Variants in SPACA7 observed in about 807,000 individuals in gnomAD.
The protein encoded by SPACA7 is sperm acrosome-associated protein 7.
A neutral mutation model predicts 26.3 loss-of-function variants in SPACA7; 19 were observed. The observed-to-expected ratio is 0.72, with a 90% CI of 0.50 to 1.06. The LOEUF (loss-of-function observed/expected upper bound fraction) is 1.06, where lower values mean the gene tolerates loss of function less well. SPACA7 is among the 50% of genes least tolerant of loss of function. SPACA7 has a pLI of 0.00. For synonymous variants in SPACA7, 84 were observed against 84.5 expected, an observed-to-expected ratio of 0.99 and a Z score of 0.04; for missense variants, 211 against 229.9, an observed-to-expected ratio of 0.92 and a Z score of 0.53.
chr13:112,384,638 T>C (rs1187788815), intron 1 of SPACA7, among the ~76,000 whole-genome samples: 1 of 152,158 alleles, frequency 6.6e-6, no homozygotes, highest in East Asian at 1.9e-4. Context: ...CATGTCATTA[T>C]AATAAGTCAT....
At chr13:112,381,519 A>G (rs1259716917) in intron 1 of SPACA7, among the ~76,000 whole-genome samples, 1 of 150,862 alleles carries the variant, frequency 6.6e-6, no homozygotes, top group African/African-American at 2.4e-5. Flanking sequence ...AAATGCAGAC[A>G]CGCTATTGTA....
At chr13:112,423,910 A>T (rs1389038230) in intron 5 of SPACA7, among the ~76,000 whole-genome samples, 1 of 152,210 alleles carries the variant, frequency 6.6e-6, no homozygotes, top group Non-Finnish European at 1.5e-5. Context: ...TCTTCAAACG[A>T]TTTTTTTAAA....
At chr13:112,402,526 C>A (rs1432894675) in intron 5 of SPACA7, among the ~76,000 whole-genome samples, 5 of 152,144 alleles carry the variant, frequency 3.3e-5, no homozygotes, top group African/African-American at 1.2e-4. Flanking sequence ...TCATTGATGT[C>A]CCTTGCCTAA....
rs984296645 is a variant in SPACA7, at chr13:112,408,565, T to G, written c.445+7401T>G. Among the ~76,000 whole-genome samples, 25 of 93,796 alleles carry G rather than the reference T, an allele frequency of 2.7e-4. 1 individual carries two copies. Among genetic ancestry groups the G allele is most frequent in the African/African-American group, 9.6e-4 (25 of 26,106 alleles). 61.5% of individuals were successfully genotyped at this position (93,796 alleles called of 152,430 possible). A position where few individuals can be genotyped will look rare whatever the true frequency, so the allele number is the denominator to read the frequency against. On this transcript the variant is annotated intron_variant, in intron 5 of 6. Transcript: ENST00000283550. Reference sequence around the variant, plus strand: ...TGTGCGAAAATCACAAGCATTCTTATACACCAATAACAGACAAACAGAGAG... The same window carrying G: ...TGTGCGAAAATCACAAGCATTCTTAGACACCAATAACAGACAAACAGAGAG...
intron 2 of SPACA7, among the ~76,000 whole-genome samples, chr13:112,395,574 G>A (rs1156427197): frequency 2.0e-5 from 3 of 152,256 alleles, no homozygotes; most frequent in Admixed American, 1.3e-4. Flanking sequence ...GGGTTCAAGC[G>A]ATTCTCCTGC....
intron 5 of SPACA7, among the ~76,000 whole-genome samples, chr13:112,414,757 G>T (rs1462777421): frequency 6.6e-6 from 1 of 152,124 alleles, no homozygotes; most frequent in African/African-American, 2.4e-5. Context: ...CTATATTTTT[G>T]TAGAATTCTC....
At chr13:112,424,871 T>TC (rs1480928402) in intron 5 of SPACA7, among the ~76,000 whole-genome samples, 2 of 151,780 alleles carry the variant, frequency 1.3e-5, no homozygotes, top group Non-Finnish European at 2.9e-5. Context: ...TACATCCATA[T>TC]CCCCCCATGG....
chr13:112,394,627 C>T (rs28594838), intron 2 of SPACA7, among the ~76,000 whole-genome samples: 3,767 of 123,048 alleles, frequency 0.031, 11 homozygotes, highest in South Asian at 0.064. Context: ...CATTCTCGCT[C>T]CTGCCGCCCC....
intron 5 of SPACA7, among the ~76,000 whole-genome samples, chr13:112,414,505 G>T (rs1364610513): frequency 7.5e-6 from 1 of 133,782 alleles, no homozygotes; most frequent in Non-Finnish European, 1.5e-5. Context: ...CTGCCTCCCA[G>T]ATTCAAGCAG....
chr13:112,383,082 A>AAAAG (rs1187005643), intron 1 of SPACA7, among the ~76,000 whole-genome samples: 7 of 102,398 alleles, frequency 6.8e-5, no homozygotes, highest in Non-Finnish European at 1.3e-4. Context: ...GAAAGAAAGA[A>AAAAG]AAAGAAAGAA....
At chr13:112,416,723 A>G (rs79911829) in intron 5 of SPACA7, among the ~76,000 whole-genome samples, 2,120 of 151,862 alleles carry the variant, frequency 0.014, 45 homozygotes, top group African/African-American at 0.049. Context: ...TATCACCTCT[A>G]TTTTGTCAAT....
chr13:112,405,482 T>C (rs1209273888), intron 5 of SPACA7, among the ~76,000 whole-genome samples: 1 of 152,210 alleles, frequency 6.6e-6, no homozygotes, highest in East Asian at 1.9e-4. Flanking sequence ...GGGCATTTTG[T>C]CTTTGTTTTT....
intron 2 of SPACA7, among the ~76,000 whole-genome samples, chr13:112,396,961 A>G (rs1211301352): frequency 6.6e-6 from 1 of 152,048 alleles, no homozygotes. Flanking sequence ...GGAGGAGCAA[A>G]TTCCTCGCAG....
chr13:112,389,885 A>G (rs1884764861), intron 1 of SPACA7, among the ~76,000 whole-genome samples: 1 of 152,236 alleles, frequency 6.6e-6, no homozygotes, highest in South Asian at 2.1e-4. Flanking sequence ...CTTAACCAGC[A>G]TTTGTGAAGG....
chr13:112,432,355 C>T, intron 5 of SPACA7, 89 bp from the exon 6 acceptor site: 1 of 1,088,108 alleles, frequency 9.2e-7, no homozygotes, highest in South Asian at 1.4e-5. Flanking sequence ...TTGCTCAGCG[C>T]TTACGGCTCC....
Position 112,402,948 on chromosome 13 carries a change from G to T in SPACA7, c.445+1784G>T, listed in dbSNP as rs1328949975. On this transcript the variant is annotated intron_variant, in intron 5 of 6. Coordinates refer to ENST00000283550, the MANE Select transcript of SPACA7 (RefSeq NM_145248.5). Reference sequence around the variant, plus strand: ...AATACACAAATGACTCTAGTCTATGGTTGGGGTTTTTTTTAAACCTATCTT... The same window carrying T: ...AATACACAAATGACTCTAGTCTATGTTTGGGGTTTTTTTTAAACCTATCTT... 5.9e-5 allele frequency among the ~76,000 whole-genome samples: 9 copies of T among 151,898 alleles called. 1 individual carries two copies. Among genetic ancestry groups the T allele is most frequent in the Admixed American group, 1.3e-4 (2 of 15,260 alleles).
At chr13:112,402,134 A>G (rs1056252857) in intron 5 of SPACA7, among the ~76,000 whole-genome samples, 26 of 152,220 alleles carry the variant, frequency 1.7e-4, no homozygotes, top group Non-Finnish European at 3.1e-4. Context: ...TTAGAAAATA[A>G]CTGGCAGTTT....
chr13:112,398,743 A>G (rs1384307765), intron 3 of SPACA7, among the ~76,000 whole-genome samples: 3 of 152,238 alleles, frequency 2.0e-5, no homozygotes. Context: ...ACTGGGAATC[A>G]GAAATCCCCA....
chr13:112,386,163 T>C (rs567982918), intron 1 of SPACA7, among the ~76,000 whole-genome samples: 1 of 152,352 alleles, frequency 6.6e-6, no homozygotes, highest in South Asian at 2.1e-4. Flanking sequence ...ATGTTGTAAT[T>C]AGACCATCCC....
Sources: allele counts gnomAD v4.1 joint callset (sites outside exome capture counted in the v4.1 genomes callset), GRCh38; gene constraint gnomAD v4.1.1; transcripts MANE v1.5; gene names NCBI Gene and HGNC (gene_info 2026-07-23, HGNC 2026-07-21).